ARL15: variants seen among roughly 807,000 people sequenced by gnomAD.
ARL15 encodes ADP-ribosylation factor-like protein 15.
Under a neutral mutation model 25.2 loss-of-function variants are expected in ARL15, and 19 were observed. The observed-to-expected ratio is 0.75, with a 90% CI of 0.53 to 1.10. The LOEUF is 1.10. Among genes scored for constraint, ARL15 ranks in the 50% least tolerant of loss-of-function variants. ARL15 has a pLI of 0.00. For missense variants in ARL15, 220 were observed against 246.0 expected, an observed-to-expected ratio of 0.89 and a Z score of 0.71; for synonymous variants, 94 against 86.8, an observed-to-expected ratio of 1.08 and a Z score of -0.46.
intron 1 of ARL15, chr5:54,285,382 T>A: frequency 4.5e-6 from 4 of 883,536 alleles, no homozygotes; most frequent in Non-Finnish European, 5.4e-6. Context: ...AAGGTAAGCA[T>A]GAAAATAAAG....
intron 4 of ARL15, among the ~76,000 whole-genome samples, chr5:54,009,594 T>A (rs760723634): frequency 6.6e-6 from 1 of 152,204 alleles, no homozygotes; most frequent in Non-Finnish European, 1.5e-5. Context: ...ACTGCGAATA[T>A]TGTGCACAAA....
intron 4 of ARL15, among the ~76,000 whole-genome samples, chr5:53,941,346 A>G (rs1746535417): frequency 6.6e-6 from 1 of 152,248 alleles, no homozygotes; most frequent in East Asian, 1.9e-4. Flanking sequence ...ACAGAATGAA[A>G]CAGATAATAA....
intron 4 of ARL15, among the ~76,000 whole-genome samples, chr5:54,045,454 G>A (rs1247443332): frequency 6.6e-6 from 1 of 152,172 alleles, no homozygotes; most frequent in Non-Finnish European, 1.5e-5. Flanking sequence ...TATTGTAGAT[G>A]TTAAAGTGTG....
At position 54,132,525 on chromosome 5, in the gene ARL15, A is replaced by G. The variant is rs143491946; in HGVS notation, c.254-19115T>C. ...TACAAAGGAGATACAAACATAAAGA[A>G]TTTTAATTTGTTATTTAAAAAATAT... On this transcript the variant is annotated intron_variant, in intron 3 of 4. Coordinates refer to ENST00000504924, the MANE Select transcript of ARL15 (RefSeq NM_019087.3). Among the ~76,000 whole-genome samples, 249 of 152,316 alleles carry G rather than the reference A, an allele frequency of 1.6e-3. 2 individuals carry two copies. Among genetic ancestry groups the G allele is most frequent in the Admixed American group, 8.1e-3 (124 of 15,302 alleles).
intron 1 of ARL15, among the ~76,000 whole-genome samples, chr5:54,205,634 A>C (rs1755847186): frequency 6.6e-6 from 1 of 152,134 alleles, no homozygotes; most frequent in Admixed American, 6.5e-5. Context: ...AGAAACTGAA[A>C]CCTGATATCG....
intron 4 of ARL15, among the ~76,000 whole-genome samples, chr5:54,043,718 C>A (rs1048651827): frequency 2.0e-5 from 3 of 151,980 alleles, no homozygotes; most frequent in African/African-American, 7.3e-5. Flanking sequence ...AATACAACAC[C>A]GAAAACAAAT....
At chr5:53,954,017 G>T (rs1341848630) in intron 4 of ARL15, among the ~76,000 whole-genome samples, 2 of 149,694 alleles carry the variant, frequency 1.3e-5, no homozygotes, top group Non-Finnish European at 3.0e-5. Context: ...TGAGATTATT[G>T]ATTTTCAGAT....
chr5:54,224,840 C>T (rs1756474230), intron 1 of ARL15, among the ~76,000 whole-genome samples: 2 of 152,136 alleles, frequency 1.3e-5, no homozygotes, highest in African/African-American at 2.4e-5. Context: ...GCCATAGGAA[C>T]AGGCAGTATC....
intron 4 of ARL15, among the ~76,000 whole-genome samples, chr5:53,942,547 ACCAT>A (rs776233470): frequency 6.6e-6 from 1 of 152,150 alleles, no homozygotes; most frequent in Admixed American, 6.5e-5. Context: ...AGAGATCGAG[ACCAT>A]CCCGGCCAAC....
chr5:54,005,858 T>C (rs1414818669), intron 4 of ARL15, among the ~76,000 whole-genome samples: 3 of 127,302 alleles, frequency 2.4e-5, no homozygotes, highest in Non-Finnish European at 5.0e-5. Context: ...CGAGACTCCA[T>C]CTCAAAAAAA....
At chr5:53,931,610 C>G (rs1418667936) in intron 4 of ARL15, among the ~76,000 whole-genome samples, 1 of 152,206 alleles carries the variant, frequency 6.6e-6, no homozygotes, top group African/African-American at 2.4e-5. Flanking sequence ...TCCTACCTCT[C>G]TCATCTTTGG....
At chr5:53,979,827 TTTTGTGTG>T (rs1748061293) in intron 4 of ARL15, among the ~76,000 whole-genome samples, 2 of 134,494 alleles carry the variant, frequency 1.5e-5, no homozygotes, top group Non-Finnish European at 3.1e-5. Context: ...CTTTAAAGTC[TTTTGTGTG>T]TGTGTGTGTG....
At chr5:53,887,215 TTCTC>T in intron 4 of ARL15, 5 of 582,038 alleles carry the variant, frequency 8.6e-6, no homozygotes, top group East Asian at 2.8e-5. Flanking sequence ...CTTCTTCTCT[TTCTC>T]TCTCAAATTT....
At chr5:54,139,208 G>A (rs1463147883) in intron 3 of ARL15, among the ~76,000 whole-genome samples, 1 of 152,068 alleles carries the variant, frequency 6.6e-6, no homozygotes, top group East Asian at 1.9e-4. Context: ...GAAGACACCT[G>A]TACACACATG....
intron 1 of ARL15, chr5:54,285,230 G>A (rs1447818625): frequency 2.9e-6 from 1 of 343,570 alleles, no homozygotes; most frequent in Non-Finnish European, 4.1e-6. Context: ...CAGCAAAAAA[G>A]ATGTCAAAAA....
intron 3 of ARL15, among the ~76,000 whole-genome samples, chr5:54,146,148 C>A (rs1291669234): frequency 6.6e-6 from 1 of 151,800 alleles, no homozygotes; most frequent in African/African-American, 2.4e-5. Flanking sequence ...TATGTATATA[C>A]CCTGCCTCAC....
At chr5:54,245,925 G>A (rs6872430) in intron 1 of ARL15, among the ~76,000 whole-genome samples, 94,111 of 151,904 alleles carry the variant, frequency 0.62, 29,959 homozygotes, top group Non-Finnish European at 0.7. Flanking sequence ...TAATTCTATG[G>A]TAAGCCCCTT....
At chr5:54,249,695 T>C (rs1030048559) in intron 1 of ARL15, among the ~76,000 whole-genome samples, 6 of 149,650 alleles carry the variant, frequency 4.0e-5, no homozygotes, top group African/African-American at 7.4e-5. Context: ...AAAAAAAACT[T>C]TAACAGCTGT....
chr5:54,146,282 TAC>T (rs1271596505), intron 3 of ARL15, among the ~76,000 whole-genome samples: 2 of 151,992 alleles, frequency 1.3e-5, no homozygotes, highest in Non-Finnish European at 2.9e-5. Context: ...CATAATCCTG[TAC>T]AGAGGTTAGA....
Sources: allele counts gnomAD v4.1 joint callset (sites outside exome capture counted in the v4.1 genomes callset), GRCh38; gene constraint gnomAD v4.1.1; transcripts MANE v1.5; gene names NCBI Gene and HGNC (gene_info 2026-07-23, HGNC 2026-07-21).